CCDC7: variants seen among roughly 807,000 people sequenced by gnomAD.
CCDC7 encodes the protein coiled-coil domain-containing protein 7.
Under a neutral mutation model 196.9 loss-of-function variants are expected in CCDC7, and 183 were observed. That is an observed-to-expected ratio of 0.93 (90% confidence interval 0.82 to 1.05). CCDC7 has a LOEUF of 1.05. CCDC7 is among the 50% of genes least tolerant of loss of function. CCDC7 has a pLI of 0.00. For synonymous variants in CCDC7, 525 were observed against 484.6 expected (o/e 1.08, Z -1.10); for missense variants, 1,540 against 1,482.2 (o/e 1.04, Z -0.64).
At chr10:32,665,248 C>G (rs934917660) in intron 21 of CCDC7, among the ~76,000 whole-genome samples, 4 of 152,028 alleles carry the variant, frequency 2.6e-5, no homozygotes, top group Non-Finnish European at 5.9e-5. Context: ...AATACTTTCT[C>G]TCATGCAATA....
intron 40 of CCDC7, among the ~76,000 whole-genome samples, chr10:32,853,584 T>C (rs1338368359): frequency 6.6e-6 from 1 of 152,220 alleles, no homozygotes; most frequent in Admixed American, 6.5e-5. Context: ...TCAGCATTTT[T>C]CCTCCAAATA....
chr10:32,454,666 C>G (rs887003006), intron 2 of CCDC7, among the ~76,000 whole-genome samples: 12 of 152,092 alleles, frequency 7.9e-5, no homozygotes, highest in African/African-American at 2.9e-4. Context: ...AAGAAATCAG[C>G]CCTTCGGATA....
chr10:32,527,397 G>C (rs750258450), intron 11 of CCDC7, among the ~76,000 whole-genome samples: 3 of 149,464 alleles, frequency 2.0e-5, no homozygotes, highest in Non-Finnish European at 4.4e-5. Context: ...CCTGATTTTT[G>C]GTTCTTCTGA....
intron 41 of CCDC7, among the ~76,000 whole-genome samples, chr10:32,869,966 G>T (rs1309921612): frequency 1.4e-4 from 22 of 151,954 alleles, no homozygotes; most frequent in Non-Finnish European, 2.8e-4. Context: ...TCTCTGTTTT[G>T]GTACCAGTAC....
At chr10:32,778,599 C>CAAGT (rs1460538090) in intron 28 of CCDC7, among the ~76,000 whole-genome samples, 1 of 152,074 alleles carries the variant, frequency 6.6e-6, no homozygotes, top group Non-Finnish European at 1.5e-5. Context: ...AATATAGTTT[C>CAAGT]AAGTCAGGTA....
chr10:32,482,572 T>C (rs1329434405), intron 8 of CCDC7, among the ~76,000 whole-genome samples: 1 of 152,240 alleles, frequency 6.6e-6, no homozygotes, highest in Non-Finnish European at 1.5e-5. Flanking sequence ...TATGTATACA[T>C]GTGCCATGTT....
At chr10:32,563,313 T>C (rs1275305998) in intron 13 of CCDC7, among the ~76,000 whole-genome samples, 4 of 152,094 alleles carry the variant, frequency 2.6e-5, no homozygotes, top group South Asian at 4.1e-4. Context: ...AAAGTTCATA[T>C]GGAACCAAAA....
At position 32,639,527 on chromosome 10, in the gene CCDC7, C is replaced by G. The variant is rs566009712; in HGVS notation, c.2014+4369C>G. Among the ~76,000 whole-genome samples, 67 of 152,086 alleles carry G rather than the reference C, an allele frequency of 4.4e-4. 1 individual carries two copies. The highest frequency in any genetic ancestry group is 6.8e-3 in the Middle Eastern group (2 of 292). ...AGTAGTCATTCAGGAGCAGGTTGTTCAGTTTCCATGTAGTTGAGCGGTTTT... is the reference window on the plus strand; with the variant it reads ...AGTAGTCATTCAGGAGCAGGTTGTTGAGTTTCCATGTAGTTGAGCGGTTTT... On this transcript the variant is annotated intron_variant, in intron 20 of 41. Transcript: ENST00000639629.
chr10:32,659,818 AAAAG>A (rs2070852252), intron 20 of CCDC7, among the ~76,000 whole-genome samples: 1 of 152,248 alleles, frequency 6.6e-6, no homozygotes, highest in Non-Finnish European at 1.5e-5. Flanking sequence ...AAAAAGCCCA[AAAAG>A]AACTGATGCT....
rs541744104 is a variant in CCDC7, at chr10:32,655,615, A to T, written c.2015-8439A>T. ...GATCTTGGCTCACTGCAACCTCCAC[A>T]TTCTGGGTTCAAGTGATTCTCCTAC... is the stretch of plus-strand genomic sequence containing the variant. On this transcript the variant is annotated intron_variant, in intron 20 of 41. Transcript: ENST00000639629. Among the ~76,000 whole-genome samples the T allele has an allele frequency of 3.9e-5, 6 of 152,078 alleles. No individual in the cohort carries two copies. In the East Asian group the frequency reaches 9.7e-4, roughly 25 times the overall value.
chr10:32,450,205 T>C (rs1291732765), upstream of CCDC7, among the ~76,000 whole-genome samples: 3 of 152,190 alleles, frequency 2.0e-5, no homozygotes, highest in Non-Finnish European at 2.9e-5. Flanking sequence ...TCATTGGTTT[T>C]TACAAGCTTC....
At chr10:32,868,423 C>T (rs553149205) in intron 41 of CCDC7, among the ~76,000 whole-genome samples, 15 of 152,076 alleles carry the variant, frequency 9.9e-5, no homozygotes, top group African/African-American at 3.1e-4. Flanking sequence ...TCTGTGACCT[C>T]AATTCTCATA....
intron 9 of CCDC7, among the ~76,000 whole-genome samples, chr10:32,501,761 A>G (rs2044079802): frequency 6.6e-6 from 1 of 152,214 alleles, no homozygotes; most frequent in African/African-American, 2.4e-5. Context: ...GCTCTCCTGT[A>G]TGAGGTGTCT....
At chr10:32,784,933 C>T (rs1344359970) in intron 29 of CCDC7, among the ~76,000 whole-genome samples, 1 of 151,152 alleles carries the variant, frequency 6.6e-6, no homozygotes, top group East Asian at 2.0e-4. Context: ...ACCTGGGAGG[C>T]AGAGGTTGCA....
chr10:32,736,047 G>T (rs576055803), intron 28 of CCDC7, among the ~76,000 whole-genome samples: 133 of 152,196 alleles, frequency 8.7e-4, no homozygotes, highest in African/African-American at 3.2e-3. Context: ...ATAGCATACT[G>T]TCTTGATTTC....
intron 25 of CCDC7, among the ~76,000 whole-genome samples, chr10:32,714,434 C>G (rs2081290227): frequency 6.6e-6 from 1 of 152,198 alleles, no homozygotes; most frequent in Admixed American, 6.5e-5. Context: ...TGGGTGCCTA[C>G]ACCACCAGGG....
At chr10:32,790,367 AC>A (rs1382243967) in intron 29 of CCDC7, among the ~76,000 whole-genome samples, 1 of 152,198 alleles carries the variant, frequency 6.6e-6, no homozygotes, top group African/African-American at 2.4e-5. Flanking sequence ...TGCCTGCGGA[AC>A]TAACACCACA....
intron 18 of CCDC7, among the ~76,000 whole-genome samples, chr10:32,606,303 A>C (rs568376763): frequency 2.6e-5 from 4 of 152,278 alleles, no homozygotes; most frequent in Non-Finnish European, 5.9e-5. Flanking sequence ...ATGCAAGGGC[A>C]GAGCCCTCAC....
downstream of CCDC7, among the ~76,000 whole-genome samples, chr10:32,882,016 C>G (rs535059436): frequency 6.6e-6 from 1 of 152,208 alleles, no homozygotes; most frequent in East Asian, 1.9e-4. Context: ...ATGAGTTTAA[C>G]CTCTAGCATA....
Sources: gnomAD v4.1 joint callset for allele counts (sites outside exome capture counted in the v4.1 genomes callset) on GRCh38, gnomAD v4.1.1 for gene constraint, MANE v1.5 for transcripts, NCBI Gene and HGNC (gene_info 2026-07-23, HGNC 2026-07-21) for gene names.